CDH2: variants seen among roughly 807,000 people sequenced by gnomAD.
CDH2 encodes the protein cadherin 2.
In CDH2, 17 loss-of-function variants were observed where a neutral mutation model predicts 92.0. The observed-to-expected ratio is 0.18, with a 90% CI of 0.13 to 0.28. The LOEUF (loss-of-function observed/expected upper bound fraction) is 0.28. Ranked by LOEUF, CDH2 falls within the 10% of genes least tolerant of loss-of-function variation. CDH2 has a pLI of 1.00. For synonymous variants in CDH2, 419 were observed against 415.9 expected (o/e 1.01, Z -0.09); for missense variants, 862 against 1,133.1 (o/e 0.76, Z 3.44).
intron 2 of CDH2, among the ~76,000 whole-genome samples, chr18:28,142,619 G>C (rs1024065213): frequency 6.6e-6 from 1 of 151,776 alleles, no homozygotes; most frequent in African/African-American, 2.4e-5. Context: ...CCCTGAGAAT[G>C]TACAGGATGA....
chr18:28,128,936 T>C (rs2015721715), intron 2 of CDH2, among the ~76,000 whole-genome samples: 1 of 152,188 alleles, frequency 6.6e-6, no homozygotes. Context: ...CCTATTTGAA[T>C]TGCTCTTTTG....
At position 27,982,925 on chromosome 18, in the gene CDH2, G is replaced by A; in HGVS notation, c.2349+19C>T. The A allele has an allele frequency of 6.5e-7, 1 of 1,530,426 alleles. No individual in the cohort carries two copies. 94.8% of individuals were successfully genotyped at this position (1,530,426 alleles called of 1,614,324 possible). ...TACGATCATAAAATTTATTTTTAAAGATTTAAAGCACTGCTCACCTGGTCT... is the reference window on the plus strand; with the variant it reads ...TACGATCATAAAATTTATTTTTAAAAATTTAAAGCACTGCTCACCTGGTCT... On this transcript the variant is annotated intron_variant, in intron 14 of 15. Coordinates refer to ENST00000269141, the MANE Select transcript of CDH2 (RefSeq NM_001792.5).
chr18:27,983,138 A>C lies in CDH2; in HGVS notation c.2210-55T>G, dbSNP rs904953619. On this transcript the variant is annotated intron_variant, in intron 13 of 15. Transcript: ENST00000269141. Reference sequence around the variant, plus strand: ...TATTGTCATTTTTAAAGCCTGGCCTATTTAGTCACAGTATTCAGTACTAAT... The same window carrying C: ...TATTGTCATTTTTAAAGCCTGGCCTCTTTAGTCACAGTATTCAGTACTAAT... 6 of 1,406,176 alleles carry C rather than the reference A, an allele frequency of 4.3e-6. No individual in the cohort carries two copies. The African/African-American group carries it at 5.7e-5, about 13-fold the overall frequency. 87.1% of individuals were successfully genotyped at this position (1,406,176 alleles called of 1,614,324 possible).
At chr18:28,103,633 T>C (rs1237408194) in intron 2 of CDH2, among the ~76,000 whole-genome samples, 1 of 151,882 alleles carries the variant, frequency 6.6e-6, no homozygotes, top group Admixed American at 6.6e-5. Context: ...GTATTTCTCC[T>C]AATGCTATCC....
chr18:28,079,662 A>G (rs1045725477), intron 2 of CDH2, among the ~76,000 whole-genome samples: 1 of 152,214 alleles, frequency 6.6e-6, no homozygotes, highest in Non-Finnish European at 1.5e-5. Context: ...CTGCTATCAA[A>G]TCAGAGGCAA....
At chr18:28,012,184 G>C (rs1276191257) in intron 3 of CDH2, among the ~76,000 whole-genome samples, 192 bp from the exon 4 acceptor site, 1 of 152,044 alleles carries the variant, frequency 6.6e-6, no homozygotes, top group Non-Finnish European at 1.5e-5. Context: ...GTTATACTGT[G>C]TATCTGAAAA....
At chr18:28,043,453 TATAA>T (rs1214087194) in intron 2 of CDH2, among the ~76,000 whole-genome samples, 60 of 77,134 alleles carry the variant, frequency 7.8e-4, no homozygotes, top group Middle Eastern at 0.014. Context: ...AAATTACTGA[TATAA>T]ATAAATATAT....
chr18:28,103,247 G>A (rs1014396590), intron 2 of CDH2, among the ~76,000 whole-genome samples: 171 of 122,890 alleles, frequency 1.4e-3, no homozygotes, highest in Middle Eastern at 5.1e-3. Context: ...TATATATAAA[G>A]TATATATATA....
chr18:28,041,737 G>A (rs989957919), intron 2 of CDH2, among the ~76,000 whole-genome samples: 4 of 152,054 alleles, frequency 2.6e-5, no homozygotes, highest in Non-Finnish European at 5.9e-5. Context: ...AATTCTTAGA[G>A]GACTTATGTT....
intron 2 of CDH2, among the ~76,000 whole-genome samples, chr18:28,067,932 T>C (rs933653834): frequency 6.6e-6 from 1 of 152,174 alleles, no homozygotes; most frequent in African/African-American, 2.4e-5. Context: ...GAGTGTAAAG[T>C]TTTAACTATT....
At chr18:28,001,445 A>G (rs1458792575) in intron 7 of CDH2, among the ~76,000 whole-genome samples, 2 of 152,242 alleles carry the variant, frequency 1.3e-5, no homozygotes, top group African/African-American at 4.8e-5. Context: ...AATGAACTAA[A>G]TCTACTTGGT....
chr18:27,935,164 C>T (rs1908988081), intron 6 of CDH2, among the ~76,000 whole-genome samples: 1 of 152,152 alleles, frequency 6.6e-6, no homozygotes, highest in African/African-American at 2.4e-5. Context: ...AGTCCATTCT[C>T]ACACTGCTAT....
At chr18:28,079,638 T>C (rs1385881634) in intron 2 of CDH2, among the ~76,000 whole-genome samples, 1 of 152,170 alleles carries the variant, frequency 6.6e-6, no homozygotes, top group Non-Finnish European at 1.5e-5. Context: ...GGGTAAAGAT[T>C]CTCAATTCCA....
At chr18:28,062,807 T>C (rs896540210) in intron 2 of CDH2, among the ~76,000 whole-genome samples, 31 of 152,200 alleles carry the variant, frequency 2.0e-4, no homozygotes, top group African/African-American at 6.7e-4. Context: ...ACCCCTTCTC[T>C]ACCAAAACTA....
rs184381420 is a variant in CDH2 at position 28,148,288 on chromosome 18, T to C, written c.61-504A>G. Among the ~76,000 whole-genome samples the C allele has an allele frequency of 1.1e-4, 16 of 152,332 alleles. No individual in the cohort carries two copies. In the East Asian group the frequency reaches 2.9e-3, roughly 28 times the overall value. On this transcript the variant is annotated intron_variant, in intron 1 of 15. Transcript: ENST00000269141. The stretch of plus-strand genomic sequence containing the variant: ...CTTACAACAGTGGGACAGATAATAT[T>C]TTATACCAAGTAAAACCAATCAAAA...
In CDH2 at chr18:28,075,509, G is replaced by C. The variant is rs116539971; in HGVS notation, c.173-61600C>G. Among the ~76,000 whole-genome samples the C allele has an allele frequency of 3.2e-3, 492 of 152,294 alleles. 1 individual carries two copies. The highest frequency in any genetic ancestry group is 0.011 in the African/African-American group (468 of 41,576). On this transcript the variant is annotated intron_variant, in intron 2 of 15. Coordinates refer to ENST00000269141, the MANE Select transcript of CDH2 (RefSeq NM_001792.5). Reference sequence around the variant, plus strand: ...TGAACAAACAGGGAACTGACATGTTGCTGGGCAATGGGCAATGATCTAGAT... The same window carrying C: ...TGAACAAACAGGGAACTGACATGTTCCTGGGCAATGGGCAATGATCTAGAT...
chr18:28,040,701 C>T (rs1482312190), intron 2 of CDH2, among the ~76,000 whole-genome samples: 1 of 152,182 alleles, frequency 6.6e-6, no homozygotes, highest in African/African-American at 2.4e-5. Context: ...CCTTATATAG[C>T]AAATATTGCC....
At chr18:28,056,943 C>T (rs1007790184) in intron 2 of CDH2, among the ~76,000 whole-genome samples, 4 of 151,976 alleles carry the variant, frequency 2.6e-5, no homozygotes, top group South Asian at 2.1e-4. Context: ...CTTAGAAATC[C>T]GATGTTAGCC....
At chr18:28,093,013 G>A (rs145634998) in intron 2 of CDH2, among the ~76,000 whole-genome samples, 139 of 151,992 alleles carry the variant, frequency 9.1e-4, no homozygotes, top group African/African-American at 3.2e-3. Context: ...CTGTCCCTCC[G>A]AAGGACTTAT....
Sources: gnomAD v4.1 joint callset for allele counts (sites outside exome capture counted in the v4.1 genomes callset) on GRCh38, gnomAD v4.1.1 for gene constraint, MANE v1.5 for transcripts, NCBI Gene and HGNC (gene_info 2026-07-23, HGNC 2026-07-21) for gene names.